ZMYND11: variants seen among roughly 807,000 people sequenced by gnomAD.
ZMYND11 encodes the protein zinc finger MYND domain-containing protein 11.
In ZMYND11, 9 loss-of-function variants were observed where a neutral mutation model predicts 84.9. The observed-to-expected ratio is 0.11, with a 90% CI of 0.06 to 0.18. The LOEUF is 0.18. Ranked by LOEUF, ZMYND11 falls within the 10% of genes least tolerant of loss-of-function variation. The pLI is 1.00. For missense variants in ZMYND11, 409 were observed against 761.0 expected (o/e 0.54, Z 5.44); for synonymous variants, 250 against 244.1 (o/e 1.02, Z -0.23).
At chr10:136,144 G>A (rs1038095359) in intron 1 of ZMYND11, among the ~76,000 whole-genome samples, 6 of 152,126 alleles carry the variant, frequency 3.9e-5, no homozygotes, top group Admixed American at 2.6e-4. Context: ...CGCCTCAACA[G>A]GTCCTCGCGG....
At chr10:147,523 AT>A (rs1277785568) in intron 1 of ZMYND11, among the ~76,000 whole-genome samples, 175 of 146,664 alleles carry the variant, frequency 1.2e-3, no homozygotes, top group Middle Eastern at 3.5e-3. Context: ...GCCTTTTTAA[AT>A]TTTTTTTTTT....
chr10:239,977 A>T, intron 7 of ZMYND11, 79 bp from the exon 8 acceptor site: 1 of 1,286,756 alleles, frequency 7.8e-7, no homozygotes, highest in South Asian at 1.4e-5. Context: ...ACTTTTGCAA[A>T]CTGAAAGAAA....
At chr10:238,708 G>T (rs1478335093) in intron 6 of ZMYND11, among the ~76,000 whole-genome samples, 1 of 152,160 alleles carries the variant, frequency 6.6e-6, no homozygotes, top group Non-Finnish European at 1.5e-5. Flanking sequence ...TTCAATATAA[G>T]ATAAGGGTAA....
At chr10:184,115 T>A (rs1360917056) in intron 2 of ZMYND11, among the ~76,000 whole-genome samples, 1 of 152,214 alleles carries the variant, frequency 6.6e-6, no homozygotes, top group Non-Finnish European at 1.5e-5. Flanking sequence ...TTAACTCTTC[T>A]ATCTAAAATC....
intron 4 of ZMYND11, among the ~76,000 whole-genome samples, chr10:227,542 A>G (rs1948340630): frequency 6.6e-6 from 1 of 152,154 alleles, no homozygotes; most frequent in Admixed American, 6.5e-5. Flanking sequence ...TTGTTGAGAT[A>G]GTTAAAGAAA....
chr10:170,069 A>C (rs572379248), intron 1 of ZMYND11, among the ~76,000 whole-genome samples: 1 of 152,300 alleles, frequency 6.6e-6, no homozygotes, highest in African/African-American at 2.4e-5. Flanking sequence ...AGCACAGTTA[A>C]GAATTACATC....
At chr10:133,289 T>G (rs928294884), upstream of ZMYND11, among the ~76,000 whole-genome samples, 16 of 152,236 alleles carry the variant, frequency 1.1e-4, no homozygotes, top group African/African-American at 3.9e-4. Flanking sequence ...CAGTATTTAT[T>G]AATAGTTTTA....
chr10:136,689 AGT>A (rs1836169746), intron 1 of ZMYND11, among the ~76,000 whole-genome samples: 1 of 152,074 alleles, frequency 6.6e-6, no homozygotes, highest in Non-Finnish European at 1.5e-5. Flanking sequence ...TGTCACATAC[AGT>A]GTGTATGTAG....
At chr10:160,366 A>C (rs537464510) in intron 1 of ZMYND11, among the ~76,000 whole-genome samples, 1 of 152,236 alleles carries the variant, frequency 6.6e-6, no homozygotes, top group Non-Finnish European at 1.5e-5. Flanking sequence ...CTGAGCCTTC[A>C]GGGAATTGTG....
chr10:243,694 T>C (rs1951528003), intron 10 of ZMYND11, among the ~76,000 whole-genome samples: 1 of 152,140 alleles, frequency 6.6e-6, no homozygotes, highest in African/African-American at 2.4e-5. Flanking sequence ...TGAAACCCCG[T>C]CTCTACTAAA....
At position 253,605 on chromosome 10, in the gene ZMYND11, A is replaced by AT. The variant is rs887254870; in HGVS notation, c.*1141dup. 6.5e-6 allele frequency: 1 copy of AT among 152,690 alleles called. No homozygotes were observed. Among genetic ancestry groups the AT allele is most frequent in the Non-Finnish European group, 1.5e-5 (1 of 68,054 alleles). The allele number at this position is 152,690 out of a possible 1,614,324, so 9.5% of individuals were successfully genotyped here. ...GGAATGGATCGATAGTTGAATAATG[A>AT]TTTTTTATACATAGATATATAAAAT... On this transcript the variant is annotated 3_prime_UTR_variant, in exon 15 of 15. Coordinates refer to ENST00000381604, the MANE Select transcript of ZMYND11 (RefSeq NM_001370100.5).
At chr10:169,989 A>G (rs879952079) in intron 1 of ZMYND11, among the ~76,000 whole-genome samples, 4 of 152,122 alleles carry the variant, frequency 2.6e-5, no homozygotes, top group Admixed American at 6.6e-5. Context: ...ATACCTAAGC[A>G]TACCATATTC....
chr10:158,418 T>C (rs536516968), intron 1 of ZMYND11, among the ~76,000 whole-genome samples: 1 of 150,972 alleles, frequency 6.6e-6, no homozygotes, highest in Middle Eastern at 3.4e-3. Context: ...TTTCCTTTTT[T>C]TTTTTTTTTT....
intron 11 of ZMYND11, 135 bp from the exon 12 acceptor site, chr10:247,263 G>C: frequency 1.9e-6 from 2 of 1,036,380 alleles, no homozygotes; most frequent in Non-Finnish European, 2.8e-6. Flanking sequence ...TTAAGTCAGT[G>C]GTAACTGAGT....
chr10:234,853 C>CTGAT (rs924567221), intron 4 of ZMYND11, among the ~76,000 whole-genome samples: 5 of 152,168 alleles, frequency 3.3e-5, no homozygotes, highest in Admixed American at 6.5e-5. Flanking sequence ...TAGTAAGTAG[C>CTGAT]TGATTGATTG....
chr10:153,935 T>C (rs1452910677), intron 1 of ZMYND11, among the ~76,000 whole-genome samples: 1 of 152,214 alleles, frequency 6.6e-6, no homozygotes, highest in Non-Finnish European at 1.5e-5. Flanking sequence ...TTTCATGCCA[T>C]ATCACCTTTT....
intron 2 of ZMYND11, among the ~76,000 whole-genome samples, chr10:207,923 A>G (rs1409903707): frequency 6.6e-6 from 1 of 152,218 alleles, no homozygotes; most frequent in East Asian, 1.9e-4. Context: ...TAACCAAAAC[A>G]GCATGGTACT....
At chr10:135,092 A>ATG (rs1554751433), upstream of ZMYND11, 2 of 148,644 alleles carry the variant, frequency 1.3e-5, no homozygotes, top group East Asian at 4.1e-4. The surrounding 1 kb of genome is among the most constrained non-coding windows in gnomAD (Gnocchi z 5.6). Flanking sequence ...GCGCATCGCC[A>ATG]TGTGAGCGGC....
At chr10:248,802 A>C in intron 13 of ZMYND11, 101 bp from the exon 14 acceptor site, 1 of 1,460,798 alleles carries the variant, frequency 6.8e-7, no homozygotes, top group Non-Finnish European at 9.2e-7. Flanking sequence ...ATGAAGGGGA[A>C]AAAAGGTACC....
Sources: gnomAD v4.1 joint callset for allele counts (sites outside exome capture counted in the v4.1 genomes callset) on GRCh38, gnomAD v4.1.1 for gene constraint, Gnocchi (gnomAD v3.1) non-coding constraint, MANE v1.5 for transcripts, NCBI Gene and HGNC (gene_info 2026-07-23, HGNC 2026-07-21) for gene names.